PTGES3: variants seen among roughly 807,000 people sequenced by gnomAD.
PTGES3 encodes the protein Hsp90 co-chaperone.
In PTGES3, 5 loss-of-function variants were observed where a neutral mutation model predicts 29.9. The ratio of observed to expected loss-of-function variants is 0.17; its 90% CI spans 0.09 to 0.35. The LOEUF (loss-of-function observed/expected upper bound fraction) is 0.35. PTGES3 is among the 10% of genes least tolerant of loss of function. The pLI, the probability that PTGES3 is intolerant of heterozygous loss-of-function variation, is 1.00. For missense variants in PTGES3, 128 were observed against 190.0 expected (o/e 0.67, Z 1.92); for synonymous variants, 49 against 57.8 (o/e 0.85, Z 0.69).
chr12:56,680,662 G>T (rs558454962), intron 1 of PTGES3, among the ~76,000 whole-genome samples: 1 of 151,726 alleles, frequency 6.6e-6, no homozygotes, highest in East Asian at 1.9e-4. Flanking sequence ...ATTAACAGGC[G>T]TGAGCCACCA....
At chr12:56,687,868 A>G in intron 1 of PTGES3, 130 bp downstream of exon 1, 1 of 1,550,744 alleles carries the variant, frequency 6.4e-7, no homozygotes, top group Non-Finnish European at 8.6e-7. Context: ...AGGATCCTGG[A>G]CCTCCCGCCC....
intron 1 of PTGES3, among the ~76,000 whole-genome samples, chr12:56,682,031 G>T (rs1364729803): frequency 6.6e-6 from 1 of 152,004 alleles, no homozygotes; most frequent in Non-Finnish European, 1.5e-5. Flanking sequence ...ATTTTTAGTA[G>T]AGACAGGGTT....
At position 56,664,512 on chromosome 12, in the gene PTGES3, T is replaced by TA. The variant is rs775810391; in HGVS notation, c.464-15dup. The TA allele has an allele frequency of 6.3e-6, 10 of 1,587,648 alleles. No individual in the cohort carries two copies. The highest frequency in any genetic ancestry group is 8.6e-6 in the Non-Finnish European group (10 of 1,165,420). On this transcript the variant is annotated splice_polypyrimidine_tract_variant and intron_variant, in intron 7 of 7. Transcript: ENST00000262033. ...GATCTGGCATTTCTGAAAGAATTTT[T>TA]AAAAATATTAGTATATAGTACAAGT...
At chr12:56,681,923 C>A (rs2137703914) in intron 1 of PTGES3, among the ~76,000 whole-genome samples, 1 of 152,120 alleles carries the variant, frequency 6.6e-6, no homozygotes, top group African/African-American at 2.4e-5. Context: ...CGGCTCACTG[C>A]AACCTCCTCG....
chr12:56,667,006 G>A (rs188944838), intron 5 of PTGES3, among the ~76,000 whole-genome samples: 1 of 152,140 alleles, frequency 6.6e-6, no homozygotes, highest in Non-Finnish European at 1.5e-5. Flanking sequence ...TGCAACTTCC[G>A]CTTCCCGGGT....
At chr12:56,680,360 T>C (rs1045976304) in intron 1 of PTGES3, among the ~76,000 whole-genome samples, 1 of 151,268 alleles carries the variant, frequency 6.6e-6, no homozygotes, top group Non-Finnish European at 1.5e-5. Flanking sequence ...TAGGTGTGAG[T>C]CACTGCACCC....
chr12:56,679,503 G>C (rs192757904), intron 1 of PTGES3, among the ~76,000 whole-genome samples: 3 of 151,876 alleles, frequency 2.0e-5, no homozygotes, highest in East Asian at 1.9e-4. Flanking sequence ...TGTATGCAGA[G>C]GTGGAAAGTT....
intron 1 of PTGES3, among the ~76,000 whole-genome samples, chr12:56,676,262 G>A (rs1331193135): frequency 1.4e-5 from 2 of 147,852 alleles, no homozygotes; most frequent in African/African-American, 2.5e-5. Context: ...AAATAGGATT[G>A]GAACCCAGCA....
chr12:56,680,801 C>G (rs1460066281), intron 1 of PTGES3, among the ~76,000 whole-genome samples: 1 of 150,296 alleles, frequency 6.7e-6, no homozygotes, highest in Admixed American at 6.6e-5. Flanking sequence ...TTTTTTGAGA[C>G]CAGTTCTTGC....
chr12:56,668,478 C>T (rs148839091), intron 5 of PTGES3, among the ~76,000 whole-genome samples: 186 of 152,262 alleles, frequency 1.2e-3, no homozygotes, highest in African/African-American at 4.1e-3. Flanking sequence ...GTGGCTCAGG[C>T]CTGTAGTCCC....
intron 1 of PTGES3, among the ~76,000 whole-genome samples, chr12:56,676,139 G>GGAGGTGGAGGT (rs1565869116): frequency 5.2e-5 from 7 of 133,484 alleles, no homozygotes; most frequent in African/African-American, 1.6e-4. Flanking sequence ...GAGGGGGAGG[G>GGAGGTGGAGGT]GGAGGGGGAG....
At chr12:56,682,257 G>A (rs1225779933) in intron 1 of PTGES3, among the ~76,000 whole-genome samples, 4 of 152,144 alleles carry the variant, frequency 2.6e-5, no homozygotes, top group Non-Finnish European at 2.9e-5. Context: ...TGGGAAAAGA[G>A]CATATGCTGA....
intron 4 of PTGES3, chr12:56,670,651 T>C: frequency 3.7e-6 from 1 of 271,360 alleles, no homozygotes; most frequent in South Asian, 7.7e-5. Context: ...ACCTGACATA[T>C]GGCAATGCAA....
At chr12:56,672,636 T>A (rs1267199075) in intron 3 of PTGES3, 104 bp downstream of exon 3, 1 of 1,290,466 alleles carries the variant, frequency 7.7e-7, no homozygotes, top group Non-Finnish European at 1.0e-6. Context: ...ATAGTTTGCC[T>A]CACTGTTAAG....
At chr12:56,669,007 A>ATTTTTTTTTTT (rs577249197) in intron 5 of PTGES3, among the ~76,000 whole-genome samples, 7 of 97,056 alleles carry the variant, frequency 7.2e-5, no homozygotes, top group Admixed American at 2.7e-4. Context: ...TTCACCATGA[A>ATTTTTTTTTTT]TTTTTTTTTT....
chr12:56,664,532 A>G lies in PTGES3; in HGVS notation c.464-34T>C, dbSNP rs1329114419. On this transcript the variant is annotated intron_variant, in intron 7 of 7. Transcript: ENST00000262033. ...ATTTTTAAAAATATTAGTATATAGT[A>G]CAAGTGAATAATCTACCAATTTTAC... 2.6e-6 allele frequency: 4 copies of G among 1,567,444 alleles called. No individual in the cohort carries two copies. The South Asian group carries it at 3.5e-5, about 14-fold the overall frequency.
intron 3 of PTGES3, 82 bp from the exon 4 acceptor site, chr12:56,671,929 C>T (rs2958154): frequency 0.68 from 568,548 of 834,916 alleles, 194,710 homozygotes; most frequent in South Asian, 0.8. Flanking sequence ...TCTCACCTTT[C>T]TCATTTCTTT....
At chr12:56,683,239 C>T (rs888612190) in intron 1 of PTGES3, among the ~76,000 whole-genome samples, 7 of 151,648 alleles carry the variant, frequency 4.6e-5, no homozygotes, top group Non-Finnish European at 7.4e-5. Context: ...AATCCCAGCA[C>T]TTTCTGAGGC....
intron 1 of PTGES3, among the ~76,000 whole-genome samples, chr12:56,682,799 G>A (rs1371688422): frequency 6.6e-6 from 1 of 151,542 alleles, no homozygotes; most frequent in Non-Finnish European, 1.5e-5. Context: ...TGGGATGATT[G>A]CCTGAGCAAA....
Sources: allele counts gnomAD v4.1 joint callset (sites outside exome capture counted in the v4.1 genomes callset), GRCh38; gene constraint gnomAD v4.1.1; transcripts MANE v1.5; gene names NCBI Gene and HGNC (gene_info 2026-07-23, HGNC 2026-07-21).